Variants in TMEM117 observed in about 807,000 individuals in gnomAD.
The protein encoded by TMEM117 is transmembrane protein 117.
In TMEM117, 27 loss-of-function variants were observed where a neutral mutation model predicts 52.4. That is an observed-to-expected ratio of 0.51 (90% confidence interval 0.38 to 0.71). TMEM117 has a LOEUF of 0.71. Ranked by LOEUF, TMEM117 falls within the 30% of genes least tolerant of loss-of-function variation. The pLI is 0.00. For missense variants in TMEM117, 556 were observed against 630.5 expected (o/e 0.88, Z 1.26); for synonymous variants, 215 against 206.3 (o/e 1.04, Z -0.36).
rs186519014 is a variant in TMEM117 at position 44,269,957 on chromosome 12, A to G, written c.609-29623A>G. Among the ~76,000 whole-genome samples, 127 of 152,282 alleles carry G rather than the reference A, an allele frequency of 8.3e-4. 1 individual carries two copies. Among genetic ancestry groups the G allele is most frequent in the African/African-American group, 2.8e-3 (118 of 41,588 alleles). On this transcript the variant is annotated intron_variant, in intron 5 of 7. Transcript: ENST00000266534. ...CAACTACTTGTTAGTGGGATAATTTATAGTAGCTTTATCTTGGAATACCTG... is the reference window on the plus strand; with the variant it reads ...CAACTACTTGTTAGTGGGATAATTTGTAGTAGCTTTATCTTGGAATACCTG...
intron 2 of TMEM117, among the ~76,000 whole-genome samples, chr12:43,922,240 G>A (rs1247301590): frequency 6.6e-6 from 1 of 152,098 alleles, no homozygotes; most frequent in Non-Finnish European, 1.5e-5. Context: ...TACGCGTGCA[G>A]TGGGTTCTCT....
the TMEM117 span, among the ~76,000 whole-genome samples, chr12:43,829,291 A>G: frequency 6.6e-6 from 1 of 152,296 alleles, no homozygotes; most frequent in Non-Finnish European, 1.5e-5. Flanking sequence ...AGCCCCGATC[A>G]TCTGTAACCT....
At chr12:43,876,337 A>G (rs1420113387) in intron 2 of TMEM117, among the ~76,000 whole-genome samples, 1 of 152,178 alleles carries the variant, frequency 6.6e-6, no homozygotes, top group Admixed American at 6.5e-5. Context: ...GGGCCCAACC[A>G]GACTGTGGGC....
intron 2 of TMEM117, among the ~76,000 whole-genome samples, chr12:43,858,988 C>T (rs1246087495): frequency 2.6e-5 from 4 of 152,202 alleles, no homozygotes; most frequent in Admixed American, 6.5e-5. Flanking sequence ...GGCAAGAAGT[C>T]AAACCGAAGA....
At chr12:43,806,028 G>C in the TMEM117 span, 81 of 1,521,106 alleles carry the variant, frequency 5.3e-5, no homozygotes, top group Non-Finnish European at 6.5e-5. Context: ...AGCAGGGACC[G>C]GGCTGGAGGA....
intron 3 of TMEM117, among the ~76,000 whole-genome samples, chr12:43,983,540 C>T (rs1407200817): frequency 1.8e-5 from 2 of 109,384 alleles, no homozygotes; most frequent in Non-Finnish European, 3.7e-5. Flanking sequence ...ATTACTTTTG[C>T]ACCAACCGTG....
rs188045773 is a variant in TMEM117 at position 44,147,275 on chromosome 12, T to G, written c.510+3651T>G. Among the ~76,000 whole-genome samples the G allele has an allele frequency of 7.2e-4, 109 of 152,196 alleles. 1 individual carries two copies. The highest frequency in any genetic ancestry group is 2.6e-3 in the African/African-American group (107 of 41,516). On this transcript the variant is annotated intron_variant, in intron 4 of 7. Coordinates refer to ENST00000266534, the MANE Select transcript of TMEM117 (RefSeq NM_032256.3). Reference sequence around the variant, plus strand: ...TGTCTCACGAGACACCATTTCCAGGTATCCACCCGTGCACTGTGCCATTAA... The same window carrying G: ...TGTCTCACGAGACACCATTTCCAGGGATCCACCCGTGCACTGTGCCATTAA...
chr12:43,947,238 G>A (rs1350984167), intron 3 of TMEM117, among the ~76,000 whole-genome samples: 3 of 152,182 alleles, frequency 2.0e-5, no homozygotes, highest in Non-Finnish European at 4.4e-5. Context: ...GGAAAGCTGA[G>A]GCAGGAGGAT....
the TMEM117 span, among the ~76,000 whole-genome samples, chr12:43,817,931 A>G: frequency 6.6e-6 from 1 of 152,182 alleles, no homozygotes; most frequent in East Asian, 1.9e-4. Flanking sequence ...TAAAAAATAT[A>G]AAGAAACAAG....
chr12:44,191,446 C>T (rs1024156986), intron 4 of TMEM117, among the ~76,000 whole-genome samples: 1 of 151,826 alleles, frequency 6.6e-6, no homozygotes, highest in Admixed American at 6.6e-5. Context: ...TGTATATATA[C>T]CATTTTCTCT....
chr12:43,877,950 A>G lies in TMEM117; in HGVS notation c.277+33022A>G, dbSNP rs569182903. ...ACACAGACAGAATAATACTTTATAT[A>G]TGTTTATGATTTGTTTGAATGTACA... On this transcript the variant is annotated intron_variant, in intron 2 of 7. Coordinates refer to ENST00000266534, the MANE Select transcript of TMEM117 (RefSeq NM_032256.3). 3.7e-4 allele frequency among the ~76,000 whole-genome samples: 56 copies of G among 151,968 alleles called. 1 individual carries two copies. Among genetic ancestry groups the G allele is most frequent in the Admixed American group, 3.4e-3 (52 of 15,246 alleles).
At chr12:44,235,380 T>TG (rs1949983634) in intron 5 of TMEM117, among the ~76,000 whole-genome samples, 1 of 151,622 alleles carries the variant, frequency 6.6e-6, no homozygotes, top group South Asian at 2.1e-4. Flanking sequence ...ATCTTTTTTT[T>TG]TTTTGGACTG....
At chr12:44,168,917 T>C (rs1488732944) in intron 4 of TMEM117, among the ~76,000 whole-genome samples, 1 of 152,202 alleles carries the variant, frequency 6.6e-6, no homozygotes, top group African/African-American at 2.4e-5. Flanking sequence ...CTCTAGGAAT[T>C]TGACTACACT....
intron 2 of TMEM117, among the ~76,000 whole-genome samples, chr12:43,916,141 G>A (rs1221001788): frequency 6.6e-6 from 1 of 152,188 alleles, no homozygotes; most frequent in Non-Finnish European, 1.5e-5. Context: ...CATGGAGGGA[G>A]AATGTTAGAA....
intron 2 of TMEM117, among the ~76,000 whole-genome samples, chr12:43,924,615 A>G (rs1285605370): frequency 6.6e-6 from 1 of 152,202 alleles, no homozygotes; most frequent in African/African-American, 2.4e-5. Flanking sequence ...TATTTACCCT[A>G]TGAATATTGT....
intron 6 of TMEM117, among the ~76,000 whole-genome samples, chr12:44,341,410 T>G (rs1337286746): frequency 6.6e-6 from 1 of 152,152 alleles, no homozygotes; most frequent in Admixed American, 6.6e-5. Flanking sequence ...GATAATGACC[T>G]CCAGTTCCAT....
At chr12:44,304,818 C>G (rs760997634) in intron 6 of TMEM117, among the ~76,000 whole-genome samples, 1 of 152,184 alleles carries the variant, frequency 6.6e-6, no homozygotes, top group Non-Finnish European at 1.5e-5. Flanking sequence ...AGTAGCTAGG[C>G]AGTACTCACT....
chr12:44,173,482 G>T lies in TMEM117; in HGVS notation c.510+29858G>T, dbSNP rs78183432. Among the ~76,000 whole-genome samples the T allele has an allele frequency of 3.4e-4, 52 of 151,994 alleles. No homozygotes were observed. In the East Asian group the frequency reaches 6.7e-3, roughly 20 times the overall value. ...TTACAGTTGGGGGCCATTTGCCTTG[G>T]TGTTTAACTTGATTGCCTTCTTTTG... On this transcript the variant is annotated intron_variant, in intron 4 of 7. Coordinates refer to ENST00000266534, the MANE Select transcript of TMEM117 (RefSeq NM_032256.3).
intron 3 of TMEM117, among the ~76,000 whole-genome samples, chr12:43,946,351 T>A (rs1366443559): frequency 1.3e-5 from 2 of 150,660 alleles, no homozygotes; most frequent in African/African-American, 4.9e-5. Context: ...TATCTTCTGC[T>A]CAGAAGCTGA....
Sources: allele counts gnomAD v4.1 joint callset (sites outside exome capture counted in the v4.1 genomes callset), GRCh38; gene constraint gnomAD v4.1.1; transcripts MANE v1.5; gene names NCBI Gene and HGNC (gene_info 2026-07-23, HGNC 2026-07-21).